The following SIPA1L2 variants were observed in gnomAD, a reference collection of about 807,000 sequenced individuals.
The protein encoded by SIPA1L2 is signal-induced proliferation-associated 1-like protein 2.
In SIPA1L2, 56 loss-of-function variants were observed where a neutral mutation model predicts 163.9. The observed-to-expected ratio is 0.34, with a 90% CI of 0.28 to 0.43. The LOEUF (loss-of-function observed/expected upper bound fraction) is 0.43, where lower values mean the gene tolerates loss of function less well. Among genes scored for constraint, SIPA1L2 ranks in the 20% least tolerant of loss-of-function variants. The probability of loss-of-function intolerance (pLI) is 1.00; values close to 1 mark genes in which losing one functional copy is unlikely to be tolerated. For synonymous variants in SIPA1L2, 877 were observed against 865.7 expected, an observed-to-expected ratio of 1.01 and a Z score of -0.23; for missense variants, 1,974 against 2,193.5, an observed-to-expected ratio of 0.90 and a Z score of 2.00.
In SIPA1L2 at chr1:232,607,760, T is replaced by TA. The variant is rs1267584055; in HGVS notation, c.-319+22108dup. On this transcript the variant is annotated intron_variant, in intron 1 of 22. Coordinates refer to ENST00000674635, the MANE Select transcript of SIPA1L2 (RefSeq NM_020808.5). ...TATTTCCCATATTTCACCTCTTTTT[T>TA]AAAAAAAAAAAAACGCCGGGCACAG... Among the ~76,000 whole-genome samples the TA allele has an allele frequency of 7.0e-3, 1,031 of 148,222 alleles. 17 individuals carry two copies. The highest frequency in any genetic ancestry group is 0.023 in the African/African-American group (945 of 40,284).
At chr1:232,479,824 A>G in intron 6 of SIPA1L2, 94 bp from the exon 7 acceptor site, 1 of 1,061,602 alleles carries the variant, frequency 9.4e-7, no homozygotes, top group South Asian at 1.4e-5. Context: ...ACAAAAAACA[A>G]AAAACACCAA....
chr1:232,421,937 G>A (rs1004645842), intron 18 of SIPA1L2, among the ~76,000 whole-genome samples: 3 of 152,064 alleles, frequency 2.0e-5, no homozygotes, highest in Non-Finnish European at 4.4e-5. Context: ...TTTGATCTCC[G>A]TTCCATAAAA....
At chr1:232,583,512 T>C (rs1053156302) in intron 1 of SIPA1L2, among the ~76,000 whole-genome samples, 2 of 152,156 alleles carry the variant, frequency 1.3e-5, no homozygotes, top group African/African-American at 4.8e-5. Flanking sequence ...GTGAAAACCA[T>C]AGTGTCCTCC....
At chr1:232,597,079 T>C (rs1280606674) in intron 1 of SIPA1L2, among the ~76,000 whole-genome samples, 1 of 152,192 alleles carries the variant, frequency 6.6e-6, no homozygotes, top group Admixed American at 6.5e-5. Flanking sequence ...TTTTTAACTT[T>C]TTCAAAGCTT....
chr1:232,446,567 A>G (rs1663229681), intron 10 of SIPA1L2, among the ~76,000 whole-genome samples: 1 of 152,246 alleles, frequency 6.6e-6, no homozygotes, highest in Admixed American at 6.5e-5. Flanking sequence ...CTTTTGTCTG[A>G]TATTTTATTC....
intron 16 of SIPA1L2, among the ~76,000 whole-genome samples, chr1:232,428,908 CAT>C (rs1662061736): frequency 6.6e-6 from 1 of 152,150 alleles, no homozygotes. Flanking sequence ...CAGAGATGAT[CAT>C]ATGTCTTTCG....
chr1:232,483,139 G>A (rs1285659857), intron 6 of SIPA1L2, among the ~76,000 whole-genome samples: 3 of 151,750 alleles, frequency 2.0e-5, no homozygotes, highest in Non-Finnish European at 4.4e-5. Flanking sequence ...CATCCTAGGA[G>A]GGCATAAAGC....
At chr1:232,480,081 C>T (rs1665248468) in intron 6 of SIPA1L2, among the ~76,000 whole-genome samples, 2 of 151,908 alleles carry the variant, frequency 1.3e-5, no homozygotes, top group Admixed American at 6.6e-5. Flanking sequence ...GAAGCTGGTC[C>T]AGGTCTGGGT....
In SIPA1L2 at chr1:232,465,658, TAGTAGAC is replaced by T. The variant is rs1233452287; in HGVS notation, c.2244-249_2244-243del. Among the ~76,000 whole-genome samples, 222 of 152,122 alleles carry T rather than the reference TAGTAGAC, an allele frequency of 1.5e-3. No homozygotes were observed. The highest frequency in any genetic ancestry group is 5.1e-3 in the African/African-American group (212 of 41,532). ...TTGTTTAAGCAAAATGCTTTAAACTTAGTAGACAGGAGGTGTAATGGGCTGAATTATG... is the reference window on the plus strand; with the variant it reads ...TTGTTTAAGCAAAATGCTTTAAACTTAGGAGGTGTAATGGGCTGAATTATG... On this transcript the variant is annotated intron_variant, in intron 8 of 22. Coordinates refer to ENST00000674635, the MANE Select transcript of SIPA1L2 (RefSeq NM_020808.5). The surrounding 1 kb of genome is among the most constrained non-coding windows in gnomAD (Gnocchi z 4.1).
Position 232,479,670 on chromosome 1 carries a change from T to G in SIPA1L2, c.2042A>C (p.His681Pro). The G allele has an allele frequency of 6.2e-7, 1 of 1,613,840 alleles. No individual in the cohort carries two copies. The highest frequency in any genetic ancestry group is 8.5e-7 in the Non-Finnish European group (1 of 1,179,794). The change falls in exon 7 of 23, where the codon CAC becomes CCC. Residue 681 changes from histidine to proline, a missense_variant. Transcript: ENST00000674635. ...TTYKDYELMF[H>P]VSTLLPYMPN... is the part of the protein sequence containing the mutation. ...CATGTAGGGAAGCAGGGTTGACACG[T>G]GGAACATGAGTTCGTAGTCTTTGTA...
At chr1:232,611,853 T>C (rs1342333636) in intron 1 of SIPA1L2, among the ~76,000 whole-genome samples, 1 of 152,228 alleles carries the variant, frequency 6.6e-6, no homozygotes, top group African/African-American at 2.4e-5. Flanking sequence ...AGCCAACTGT[T>C]ATCCCCAAGA....
intron 10 of SIPA1L2, among the ~76,000 whole-genome samples, chr1:232,449,731 T>A (rs1276679566): frequency 6.6e-6 from 1 of 150,774 alleles, no homozygotes; most frequent in Non-Finnish European, 1.5e-5. Context: ...ATGGTCCACA[T>A]GAAAACACAT....
intron 2 of SIPA1L2, among the ~76,000 whole-genome samples, chr1:232,551,024 C>G (rs1212216337): frequency 6.6e-6 from 1 of 152,122 alleles, no homozygotes; most frequent in Non-Finnish European, 1.5e-5. Context: ...GGAAAAAAAT[C>G]AAGCCCGAAT....
intron 8 of SIPA1L2, among the ~76,000 whole-genome samples, chr1:232,468,263 A>G (rs1190410724): frequency 6.6e-6 from 1 of 152,236 alleles, no homozygotes; most frequent in Non-Finnish European, 1.5e-5. Context: ...AGCATTTATT[A>G]ATGATTTAGG....
intron 18 of SIPA1L2, among the ~76,000 whole-genome samples, chr1:232,420,631 G>A (rs377533909): frequency 6.6e-6 from 1 of 151,912 alleles, no homozygotes; most frequent in South Asian, 2.1e-4. Context: ...ATCAGGAGAT[G>A]GAGACCATCC....
chr1:232,568,003 G>A (rs1659500582), intron 2 of SIPA1L2, among the ~76,000 whole-genome samples: 1 of 152,218 alleles, frequency 6.6e-6, no homozygotes, highest in Non-Finnish European at 1.5e-5. Flanking sequence ...TTCCTGGAAG[G>A]TGGTATGACT....
At chr1:232,400,463 G>A (rs931304747) in intron 22 of SIPA1L2, among the ~76,000 whole-genome samples, 1 of 152,042 alleles carries the variant, frequency 6.6e-6, no homozygotes, top group Non-Finnish European at 1.5e-5. Context: ...GCTCCCTCCC[G>A]AGGAGACCGT....
chr1:232,629,497 T>G (rs1663258852), intron 1 of SIPA1L2, among the ~76,000 whole-genome samples: 1 of 152,170 alleles, frequency 6.6e-6, no homozygotes, highest in Non-Finnish European at 1.5e-5. Context: ...CCGGGGAAGC[T>G]GCGTCGGGCA....
intron 1 of SIPA1L2, among the ~76,000 whole-genome samples, chr1:232,600,588 C>A (rs1204775656): frequency 6.6e-6 from 1 of 152,156 alleles, no homozygotes; most frequent in African/African-American, 2.4e-5. Context: ...CCAAGGGTGT[C>A]TGTTTATACA....
Sources: allele counts gnomAD v4.1 joint callset (sites outside exome capture counted in the v4.1 genomes callset), GRCh38; gene constraint gnomAD v4.1.1; non-coding constraint Gnocchi (gnomAD v3.1); transcripts MANE v1.5; gene names NCBI Gene and HGNC (gene_info 2026-07-23, HGNC 2026-07-21).